Variants in CCDC178 observed in about 807,000 individuals in gnomAD.
The protein encoded by CCDC178 is coiled-coil domain containing 178.
In CCDC178, 126 loss-of-function variants were observed where a neutral mutation model predicts 117.4. The observed-to-expected ratio is 1.07, with a 90% confidence interval of 0.93 to 1.24. The LOEUF is 1.24. Ranked by LOEUF, CCDC178 falls within the 50% of genes most tolerant of loss-of-function variation. CCDC178 has a pLI of 0.00. For synonymous variants in CCDC178, 283 were observed against 313.4 expected, an observed-to-expected ratio of 0.90 and a Z score of 1.02; for missense variants, 1,030 against 986.9, an observed-to-expected ratio of 1.04 and a Z score of -0.59.
intron 2 of CCDC178, among the ~76,000 whole-genome samples, chr18:33,414,891 G>A (rs1016232186): frequency 1.3e-5 from 2 of 152,154 alleles, no homozygotes; most frequent in Non-Finnish European, 2.9e-5. Context: ...GTGGGCTAAG[G>A]ATATGAACAG....
intron 12 of CCDC178, among the ~76,000 whole-genome samples, chr18:33,277,206 G>A (rs933195984): frequency 2.0e-5 from 3 of 151,998 alleles, no homozygotes; most frequent in Non-Finnish European, 2.9e-5. Flanking sequence ...GAAAACCCCA[G>A]ATAAACAATG....
chr18:32,996,181 A>G (rs1031691612), intron 21 of CCDC178, among the ~76,000 whole-genome samples: 6 of 151,956 alleles, frequency 3.9e-5, no homozygotes, highest in African/African-American at 1.4e-4. Context: ...TTAGAAATAT[A>G]AAATCCTGAG....
rs116189503 is a variant in CCDC178 at position 33,166,876 on chromosome 18, T to C, written c.2238+45020A>G. On this transcript the variant is annotated intron_variant, in intron 20 of 22. Transcript: ENST00000383096. ...ATTGATGAAGAGATTATTTTGTTAC[T>C]CAGGTAATAAGCATAGTACCTGATA... Among the ~76,000 whole-genome samples the C allele has an allele frequency of 2.1e-3, 326 of 152,292 alleles. 2 individuals carry two copies. The highest frequency in any genetic ancestry group is 7.3e-3 in the African/African-American group (304 of 41,552).
intron 11 of CCDC178, among the ~76,000 whole-genome samples, chr18:33,296,577 T>C (rs1408211078): frequency 2.0e-5 from 3 of 152,130 alleles, no homozygotes; most frequent in African/African-American, 7.2e-5. Context: ...TATAATTATT[T>C]ATGAATAAAG....
rs74378957 is a variant in CCDC178 at position 32,998,371 on chromosome 18, A to G, written c.2389-23690T>C. Among the ~76,000 whole-genome samples, 85 of 152,076 alleles carry G rather than the reference A, an allele frequency of 5.6e-4. No individual in the cohort carries two copies. In the East Asian group the frequency reaches 0.015, roughly 26 times the overall value. On this transcript the variant is annotated intron_variant, in intron 21 of 22. Transcript: ENST00000383096. ...CCACTGTGGTCTAATGTGCTATGGG[A>G]TCCTAAATAAACTCAAAAGGCAGTC...
intron 12 of CCDC178, among the ~76,000 whole-genome samples, chr18:33,290,778 G>C (rs1000373970): frequency 6.6e-6 from 1 of 151,948 alleles, no homozygotes; most frequent in Non-Finnish European, 1.5e-5. Flanking sequence ...AGTAAAAAGT[G>C]AATGGAAAAA....
chr18:33,352,065 T>C (rs2062986410), intron 7 of CCDC178, among the ~76,000 whole-genome samples: 1 of 152,168 alleles, frequency 6.6e-6, no homozygotes, highest in African/African-American at 2.4e-5. Flanking sequence ...TTTTTTTTGT[T>C]GGGGAAATTT....
intron 20 of CCDC178, among the ~76,000 whole-genome samples, chr18:33,105,005 A>G (rs907494032): frequency 2.6e-5 from 4 of 151,682 alleles, no homozygotes; most frequent in Non-Finnish European, 4.4e-5. Context: ...TTATATTTGT[A>G]ACTTATTGAC....
intron 12 of CCDC178, among the ~76,000 whole-genome samples, chr18:33,282,660 G>A (rs2060039470): frequency 6.6e-6 from 1 of 152,092 alleles, no homozygotes; most frequent in Non-Finnish European, 1.5e-5. Context: ...AGCTTTCCCT[G>A]GGCTCATGGC....
At chr18:33,374,339 A>G in intron 5 of CCDC178, among the ~76,000 whole-genome samples, 1 of 152,182 alleles carries the variant, frequency 6.6e-6, no homozygotes, top group East Asian at 1.9e-4. Context: ...GACTCTTCAC[A>G]AAAGACAATA....
intron 21 of CCDC178, among the ~76,000 whole-genome samples, chr18:33,081,019 T>G (rs932494936): frequency 6.6e-6 from 1 of 152,054 alleles, no homozygotes; most frequent in African/African-American, 2.4e-5. Flanking sequence ...GTAGGGAAAC[T>G]TGTCCAAGAC....
intron 3 of CCDC178, among the ~76,000 whole-genome samples, chr18:33,400,931 T>C (rs759476545): frequency 1.4e-4 from 22 of 152,216 alleles, no homozygotes; most frequent in Non-Finnish European, 2.8e-4. Context: ...CACATAATTC[T>C]TCCTTTCCCT....
At chr18:33,105,900 C>T (rs271433) in intron 20 of CCDC178, among the ~76,000 whole-genome samples, 14,488 of 151,492 alleles carry the variant, frequency 0.096, 901 homozygotes, top group African/African-American at 0.17. Flanking sequence ...GACAGTTTCA[C>T]ATGAAATGAC....
chr18:33,006,379 C>T (rs1410876767), intron 21 of CCDC178, among the ~76,000 whole-genome samples: 1 of 151,974 alleles, frequency 6.6e-6, no homozygotes, highest in African/African-American at 2.4e-5. Context: ...ATTTTTGATT[C>T]CCAATTTGAT....
chr18:32,942,336 A>G (rs924776452), intron 22 of CCDC178, among the ~76,000 whole-genome samples: 2 of 152,152 alleles, frequency 1.3e-5, no homozygotes, highest in Non-Finnish European at 2.9e-5. Context: ...CTTGAAAAAC[A>G]TACCACTTCC....
chr18:33,385,031 A>C (rs2063478295), intron 5 of CCDC178, among the ~76,000 whole-genome samples: 1 of 152,246 alleles, frequency 6.6e-6, no homozygotes, highest in African/African-American at 2.4e-5. Context: ...TTTACCAAGC[A>C]AATTTGAAAG....
chr18:33,082,563 T>C (rs1432373454), intron 21 of CCDC178, among the ~76,000 whole-genome samples: 1 of 152,152 alleles, frequency 6.6e-6, no homozygotes, highest in African/African-American at 2.4e-5. Flanking sequence ...TTTAGTATAA[T>C]TGAAATGATT....
At chr18:33,356,391 T>C (rs1183990633) in intron 6 of CCDC178, 45 bp from the exon 7 acceptor site, 31 of 1,419,000 alleles carry the variant, frequency 2.2e-5, no homozygotes, top group African/African-American at 2.9e-5. Flanking sequence ...CTTAAACATA[T>C]TAAAAAACTG....
At chr18:33,365,124 A>G (rs1390080581) in intron 6 of CCDC178, among the ~76,000 whole-genome samples, 1 of 152,126 alleles carries the variant, frequency 6.6e-6, no homozygotes, top group Non-Finnish European at 1.5e-5. Flanking sequence ...ACCACAGAAT[A>G]GGAAACCAGA....
Sources: gnomAD v4.1 joint callset for allele counts (sites outside exome capture counted in the v4.1 genomes callset) on GRCh38, gnomAD v4.1.1 for gene constraint, MANE v1.5 for transcripts, NCBI Gene and HGNC (gene_info 2026-07-23, HGNC 2026-07-21) for gene names.